Variants in ATR observed in about 807,000 individuals in gnomAD.
ATR encodes the protein ATR checkpoint kinase.
Under a neutral mutation model 305.3 loss-of-function variants are expected in ATR, and 142 were observed. The observed-to-expected ratio is 0.47, with a 90% CI of 0.41 to 0.53. ATR has a LOEUF of 0.53. ATR is among the 20% of genes least tolerant of loss of function. ATR has a pLI of 0.00. For synonymous variants in ATR, 1,050 were observed against 1,068.1 expected, an observed-to-expected ratio of 0.98 and a Z score of 0.33; for missense variants, 2,135 against 3,133.1, an observed-to-expected ratio of 0.68 and a Z score of 7.60.
At chr3:142,477,885 T>C (rs1162220595) in intron 36 of ATR, among the ~76,000 whole-genome samples, 2 of 152,180 alleles carry the variant, frequency 1.3e-5, no homozygotes, top group Admixed American at 6.5e-5. Flanking sequence ...TGCATAGAGG[T>C]GTTTATAGTA....
intron 1 of ATR, among the ~76,000 whole-genome samples, chr3:142,576,589 T>C (rs1038150318): frequency 1.3e-5 from 2 of 152,212 alleles, no homozygotes; most frequent in East Asian, 3.8e-4. Context: ...AAAAATAATT[T>C]TTTTAATTTA....
chr3:142,514,368 G>A (rs534103238), intron 25 of ATR, among the ~76,000 whole-genome samples: 1 of 151,876 alleles, frequency 6.6e-6, no homozygotes, highest in Non-Finnish European at 1.5e-5. Context: ...GGTGGCTCAC[G>A]CCTGTAATAC....
At chr3:142,486,758 C>T (rs1341594301) in intron 35 of ATR, among the ~76,000 whole-genome samples, 2 of 151,774 alleles carry the variant, frequency 1.3e-5, no homozygotes, top group Admixed American at 6.6e-5. Context: ...CATCCTCATA[C>T]AAGAACTCCA....
In ATR at chr3:142,520,760, T is replaced by C. The variant is rs528638117; in HGVS notation, c.4267-976A>G. ...AAAGTTTGAAGCAAACAGAGGTTGCTTCATGAGGTTTAAGGAAAAGAAGCT... is the reference window on the plus strand; with the variant it reads ...AAAGTTTGAAGCAAACAGAGGTTGCCTCATGAGGTTTAAGGAAAAGAAGCT... On this transcript the variant is annotated intron_variant, in intron 23 of 46. Transcript: ENST00000350721. Among the ~76,000 whole-genome samples, 30 of 152,200 alleles carry C rather than the reference T, an allele frequency of 2.0e-4. No individual in the cohort carries two copies. In the South Asian group the frequency reaches 2.5e-3, roughly 13 times the overall value.
At position 142,562,599 on chromosome 3, in the gene ATR, G is replaced by A; in HGVS notation, c.803C>T (p.Thr268Ile). ...LGGLPAQPAS[T>I]FFSSFLELLK... ...TAATTCCAAAAATGAGCTGAAAAAAGTGCTAGCTGGTTGTGCTGGTAGTCC... is the reference window on the plus strand; with the variant it reads ...TAATTCCAAAAATGAGCTGAAAAAAATGCTAGCTGGTTGTGCTGGTAGTCC... Residue 268 changes from threonine to isoleucine, a missense_variant, in exon 4 of 47, where the codon ACT becomes ATT. This residue lies in a region of ATR where 744 missense variants were observed against 873.2 expected (regional missense o/e 0.85). Coordinates refer to ENST00000350721, the MANE Select transcript of ATR (RefSeq NM_001184.4). The A allele has an allele frequency of 3.1e-6, 5 of 1,614,008 alleles. No individual in the cohort carries two copies. Among genetic ancestry groups the A allele is most frequent in the Non-Finnish European group, 3.4e-6 (4 of 1,179,972 alleles).
chr3:142,481,048 G>A (rs887989422), intron 36 of ATR, among the ~76,000 whole-genome samples: 1 of 152,226 alleles, frequency 6.6e-6, no homozygotes, highest in Non-Finnish European at 1.5e-5. Flanking sequence ...GTGAGGCAAT[G>A]CCTTGCCCTG....
Position 142,515,457 on chromosome 3 carries a change from T to A in ATR, c.4441A>T (p.Ser1481Cys). ...TCTGCAAAGTTACTACCCAATTTAC[T>A]TAAGTAAATTGGCTTCTTTACTCCA... is the stretch of plus-strand genomic sequence containing the variant. ...WSGVKKPIYL[S>C]KLGSNFAEWS... Residue 1481 changes from serine (S) to cysteine (C), a missense_variant, in exon 25 of 47, where the codon AGT becomes TGT. Physicochemically the swap from Ser to Cys is moderately radical, Grantham distance 112. Coordinates refer to ENST00000350721, the MANE Select transcript of ATR (RefSeq NM_001184.4). The A allele has an allele frequency of 1.2e-6, 2 of 1,613,596 alleles. No individual in the cohort carries two copies. The highest frequency in any genetic ancestry group is 4.5e-5 in the East Asian group (2 of 44,820).
intron 35 of ATR, among the ~76,000 whole-genome samples, chr3:142,490,942 T>C (rs2031241905): frequency 6.6e-6 from 1 of 152,158 alleles, no homozygotes; most frequent in South Asian, 2.1e-4. Context: ...CTTTTACTTC[T>C]TTTTTTATTT....
intron 5 of ATR, among the ~76,000 whole-genome samples, chr3:142,560,715 C>T (rs1266077964): frequency 6.6e-6 from 1 of 152,078 alleles, no homozygotes; most frequent in Non-Finnish European, 1.5e-5. Context: ...CGCCAACCAC[C>T]ACGCTTGGCT....
At chr3:142,483,084 C>T (rs751940645) in intron 36 of ATR, among the ~76,000 whole-genome samples, 11 of 150,268 alleles carry the variant, frequency 7.3e-5, no homozygotes, top group Non-Finnish European at 1.2e-4. Flanking sequence ...CAGCTCACCA[C>T]TGCCTTGACG....
intron 21 of ATR, among the ~76,000 whole-genome samples, chr3:142,529,500 T>C (rs936192992): frequency 5.3e-5 from 8 of 152,328 alleles, no homozygotes; most frequent in African/African-American, 1.9e-4. Flanking sequence ...TTTAGTCTTA[T>C]ATATTTCGTT....
chr3:142,578,615 G>A (rs755098451), intron 1 of ATR, 31 bp downstream of exon 1: 7 of 1,604,738 alleles, frequency 4.4e-6, no homozygotes, highest in East Asian at 2.2e-5. Context: ...AGCGGAGGAG[G>A]ATGCAGGACC....
At chr3:142,565,894 T>C (rs1049783434) in intron 3 of ATR, among the ~76,000 whole-genome samples, 2 of 152,196 alleles carry the variant, frequency 1.3e-5, no homozygotes, top group East Asian at 3.9e-4. Context: ...AAGTGTTCAA[T>C]GGCAAATAAA....
At chr3:142,478,965 T>G (rs200621448) in intron 36 of ATR, among the ~76,000 whole-genome samples, 20,147 of 152,184 alleles carry the variant, frequency 0.13, 1,401 homozygotes, top group Non-Finnish European at 0.16. Context: ...CATCCTTTTA[T>G]TTTGAGCCTA....
chr3:142,474,466 A>C (rs924363424), intron 36 of ATR, among the ~76,000 whole-genome samples: 3 of 151,940 alleles, frequency 2.0e-5, no homozygotes, highest in African/African-American at 7.3e-5. Flanking sequence ...TTTATTCCCA[A>C]GTATTATATT....
At position 142,507,126 on chromosome 3, in the gene ATR, T is replaced by C. The variant is rs555545921; in HGVS notation, c.5031+805A>G. On this transcript the variant is annotated intron_variant, in intron 28 of 46. Coordinates refer to ENST00000350721, the MANE Select transcript of ATR (RefSeq NM_001184.4). ...CACAAAGATAGGAAGGGGCTAATATTCATCTTAAGACTGCAAGTTACTAAT... is the reference window on the plus strand; with the variant it reads ...CACAAAGATAGGAAGGGGCTAATATCCATCTTAAGACTGCAAGTTACTAAT... 1.9e-3 allele frequency among the ~76,000 whole-genome samples: 284 copies of C among 152,314 alleles called. 1 individual carries two copies. Among genetic ancestry groups the C allele is most frequent in the African/African-American group, 6.2e-3 (259 of 41,566 alleles).
chr3:142,489,945 T>C (rs2031179644), intron 35 of ATR, among the ~76,000 whole-genome samples: 1 of 152,256 alleles, frequency 6.6e-6, no homozygotes, highest in East Asian at 1.9e-4. Context: ...TATTTCATTG[T>C]GGTTTTAATT....
intron 9 of ATR, 111 bp from the exon 10 acceptor site, chr3:142,556,250 A>T: frequency 4.7e-6 from 7 of 1,503,524 alleles, no homozygotes; most frequent in Non-Finnish European, 6.3e-6. Context: ...AGAAGGAAAA[A>T]ATGTTAAATT....
intron 6 of ATR, 131 bp from the exon 7 acceptor site, chr3:142,559,572 G>A (rs1577697487): frequency 5.9e-6 from 5 of 851,678 alleles, no homozygotes. Flanking sequence ...AAGTAAACAT[G>A]CAAATCAAGT....
Sources: gnomAD v4.1 joint callset for allele counts (sites outside exome capture counted in the v4.1 genomes callset) on GRCh38, gnomAD v4.1.1 for gene constraint, gnomAD v4.1.1 regional missense constraint, MANE v1.5 for transcripts, NCBI Gene and HGNC (gene_info 2026-07-23, HGNC 2026-07-21) for gene names.